The following NAV1 variants were observed in gnomAD, a reference collection of about 807,000 sequenced individuals.
NAV1 encodes the protein neuron navigator 1.
Under a neutral mutation model 175.2 loss-of-function variants are expected in NAV1, and 18 were observed. That is an observed-to-expected ratio of 0.10 (90% CI 0.07 to 0.15). NAV1 has a LOEUF of 0.15. NAV1 is among the 10% of genes least tolerant of loss of function. NAV1 has a pLI of 1.00. For missense variants in NAV1, 1,731 were observed against 2,436.6 expected (o/e 0.71, Z 6.10); for synonymous variants, 897 against 978.7 (o/e 0.92, Z 1.56).
chr1:201,551,116 C>A (rs1350058202), intron 1 of NAV1, among the ~76,000 whole-genome samples: 1 of 152,228 alleles, frequency 6.6e-6, no homozygotes, highest in East Asian at 1.9e-4. Context: ...TTACCCAAAG[C>A]CACATAACTT....
At chr1:201,555,003 C>T (rs1346916890) in intron 1 of NAV1, among the ~76,000 whole-genome samples, 1 of 152,150 alleles carries the variant, frequency 6.6e-6, no homozygotes, top group African/African-American at 2.4e-5. Flanking sequence ...GCTGCATGGC[C>T]ATCTCCTCCC....
chr1:201,669,197 T>A (rs1445971455), intron 1 of NAV1, among the ~76,000 whole-genome samples: 1 of 152,178 alleles, frequency 6.6e-6, no homozygotes, highest in Non-Finnish European at 1.5e-5. Flanking sequence ...GACTTACAAC[T>A]TTGTGGGGCA....
chr1:201,809,036 T>TA (rs1678513372), intron 20 of NAV1, 128 bp from the exon 25 acceptor site: 1 of 1,288,530 alleles, frequency 7.8e-7, no homozygotes, highest in Non-Finnish European at 1.1e-6. Flanking sequence ...CCTTAACTAC[T>TA]TTTGAGTTTG....
intron 1 of NAV1, among the ~76,000 whole-genome samples, chr1:201,698,771 A>G (rs370992303): frequency 5.9e-5 from 9 of 152,332 alleles, no homozygotes; most frequent in African/African-American, 2.2e-4. Flanking sequence ...ATTTAGGGAC[A>G]GGCCTGGGGG....
Position 201,539,719 on chromosome 1 carries a change from T to A in NAV1, c.-144+377T>A, listed in dbSNP as rs549184643. 6.6e-6 allele frequency among the ~76,000 whole-genome samples: 1 copy of A among 152,248 alleles called. No individual in the cohort carries two copies. The highest frequency in any genetic ancestry group is 2.4e-5 in the African/African-American group (1 of 41,554). ...CATGAGACACCAGGTGCTGCGTTCTTATACTCGCACCCACACGGCAAGCAC... is the reference window on the plus strand; with the variant it reads ...CATGAGACACCAGGTGCTGCGTTCTAATACTCGCACCCACACGGCAAGCAC... On this transcript the variant is annotated intron_variant, in intron 1 of 33. Coordinates refer to the NAV1 transcript ENST00000685211. The surrounding 1 kb of genome is among the most constrained non-coding windows in gnomAD (Gnocchi z 5.6).
At chr1:201,775,783 C>G (rs941499830) in intron 3 of NAV1, among the ~76,000 whole-genome samples, 1 of 152,118 alleles carries the variant, frequency 6.6e-6, no homozygotes, top group African/African-American at 2.4e-5. Flanking sequence ...GAAGCCTGGG[C>G]GCAGTGGCTC....
intron 1 of NAV1, among the ~76,000 whole-genome samples, chr1:201,695,827 C>T (rs1418487799): frequency 6.6e-6 from 1 of 152,214 alleles, no homozygotes; most frequent in African/African-American, 2.4e-5. Flanking sequence ...GGCCTGAGAC[C>T]CCACCCTGCC....
chr1:201,724,192 C>T lies in NAV1; in HGVS notation c.1226+5437C>T, dbSNP rs1293323902. 4 of 152,258 alleles carry T rather than the reference C, an allele frequency of 2.6e-5. No individual in the cohort carries two copies. The East Asian group carries it at 5.8e-4, about 22-fold the overall frequency. The allele number at this position is 152,258 out of a possible 1,614,324, so 9.4% of individuals were successfully genotyped here. On this transcript the variant is annotated intron_variant, in intron 3 of 29. Coordinates refer to ENST00000367296, the Ensembl canonical transcript of NAV1. ...CTGCTGACTGTCCTAGATGACAGCT[C>T]GGGCCATTTTTACCACTTGGAAATA...
chr1:201,581,952 T>G (rs1364125867), intron 1 of NAV1, among the ~76,000 whole-genome samples: 1 of 151,616 alleles, frequency 6.6e-6, no homozygotes, highest in Non-Finnish European at 1.5e-5. Context: ...AAAAATTAGC[T>G]GGGGATGGTG....
intron 1 of NAV1, 147 bp downstream of exon 5, chr1:201,649,572 C>T: frequency 1.5e-6 from 2 of 1,340,540 alleles, no homozygotes; most frequent in East Asian, 2.5e-5. Context: ...GCATTGCGCC[C>T]AGATGTGCTG....
At chr1:201,633,569 G>A (rs1283334142) in intron 2 of NAV1, among the ~76,000 whole-genome samples, 3 of 152,170 alleles carry the variant, frequency 2.0e-5, no homozygotes, top group African/African-American at 7.2e-5. Context: ...AAGCAATGAG[G>A]AAGGAAATGG....
chr1:201,763,520 A>G (rs1401329095), intron 3 of NAV1, among the ~76,000 whole-genome samples: 1 of 152,106 alleles, frequency 6.6e-6, no homozygotes, highest in Non-Finnish European at 1.5e-5. Context: ...AGGAGGGGAA[A>G]GACTTGGGGC....
intron 1 of NAV1, among the ~76,000 whole-genome samples, chr1:201,708,294 C>G (rs1301774942): frequency 6.6e-6 from 1 of 152,090 alleles, no homozygotes; most frequent in East Asian, 1.9e-4. Context: ...CACACACATT[C>G]TCTCCCCAGT....
In NAV1 at chr1:201,790,676, C is replaced by T; in HGVS notation, c.3244-13C>T. On this transcript the variant is annotated splice_polypyrimidine_tract_variant and intron_variant, in intron 12 of 29. Coordinates refer to ENST00000367296, the Ensembl canonical transcript of NAV1. ...TCTGCAGCCAGTAGTTTGTATTTCTCTTCCTTTTACAGCAAATCCGGAAGC... is the reference window on the plus strand; with the variant it reads ...TCTGCAGCCAGTAGTTTGTATTTCTTTTCCTTTTACAGCAAATCCGGAAGC... 1 of 1,614,138 alleles carries T rather than the reference C, an allele frequency of 6.2e-7. No individual in the cohort carries two copies. The highest frequency in any genetic ancestry group is 8.5e-7 in the Non-Finnish European group (1 of 1,180,024).
intron 1 of NAV1, among the ~76,000 whole-genome samples, chr1:201,651,794 T>TG (rs1476910372): frequency 6.6e-6 from 1 of 151,964 alleles, no homozygotes; most frequent in African/African-American, 2.4e-5. Context: ...CTTAGCTCTC[T>TG]GGGGTGGGGA....
intron 3 of NAV1, among the ~76,000 whole-genome samples, chr1:201,768,034 G>A (rs1199793432): frequency 1.3e-5 from 2 of 152,116 alleles, no homozygotes; most frequent in East Asian, 1.9e-4. Flanking sequence ...CCTATTAAGA[G>A]TTTAAGTCAG....
intron 2 of NAV1, among the ~76,000 whole-genome samples, chr1:201,611,209 G>T (rs1667835081): frequency 6.6e-6 from 1 of 152,178 alleles, no homozygotes; most frequent in African/African-American, 2.4e-5. Flanking sequence ...TGGGGTGATT[G>T]CATTCTCTGC....
At position 201,593,186 on chromosome 1, in the gene NAV1, G is replaced by A. The variant is rs144299390; in HGVS notation, c.-33+4537G>A. Among the ~76,000 whole-genome samples, 927 of 152,236 alleles carry A rather than the reference G, an allele frequency of 6.1e-3. 10 individuals carry two copies. The highest frequency in any genetic ancestry group is 0.02 in the African/African-American group (821 of 41,528). Reference sequence around the variant, plus strand: ...ATAGGGGTATTCAATCATGGCTGCCGCCACTAGCTTCATAAAGCCTTAGGT... The same window carrying A: ...ATAGGGGTATTCAATCATGGCTGCCACCACTAGCTTCATAAAGCCTTAGGT... On this transcript the variant is annotated intron_variant, in intron 2 of 33. Transcript: ENST00000685211.
intron 1 of NAV1, among the ~76,000 whole-genome samples, chr1:201,661,755 C>T (rs372232428): frequency 1.3e-5 from 2 of 152,118 alleles, no homozygotes; most frequent in Non-Finnish European, 2.9e-5. Flanking sequence ...CCCTTTTACT[C>T]TCCCCTCCGC....
Sources: gnomAD v4.1 joint callset for allele counts (sites outside exome capture counted in the v4.1 genomes callset) on GRCh38, gnomAD v4.1.1 for gene constraint, Gnocchi (gnomAD v3.1) non-coding constraint, MANE v1.5 for transcripts, NCBI Gene and HGNC (gene_info 2026-07-23, HGNC 2026-07-21) for gene names.